The following ADAM10 variants were observed in gnomAD, a reference collection of about 807,000 sequenced individuals.
The protein encoded by ADAM10 is disintegrin and metalloproteinase domain-containing protein 10.
In ADAM10, 17 loss-of-function variants were observed where a neutral mutation model predicts 90.1. That is an observed-to-expected ratio of 0.19 (90% CI 0.13 to 0.28). ADAM10 has a LOEUF of 0.28. ADAM10 is among the 10% of genes least tolerant of loss of function. The pLI is 1.00. For synonymous variants in ADAM10, 310 were observed against 298.6 expected (o/e 1.04, Z -0.40); for missense variants, 610 against 914.3 (o/e 0.67, Z 4.29).
chr15:58,650,515 C>A (rs1896657646), intron 5 of ADAM10, among the ~76,000 whole-genome samples: 1 of 152,132 alleles, frequency 6.6e-6, no homozygotes, highest in South Asian at 2.1e-4. Flanking sequence ...CTCTTCTGGG[C>A]AGATCCTAAA....
At chr15:58,719,690 C>G (rs1463461321) in intron 1 of ADAM10, among the ~76,000 whole-genome samples, 1 of 152,078 alleles carries the variant, frequency 6.6e-6, no homozygotes, top group African/African-American at 2.4e-5. Flanking sequence ...GTGGTTAAGA[C>G]AGTACATTTT....
intron 3 of ADAM10, 123 bp downstream of exon 3, chr15:58,682,073 T>C: frequency 2.2e-6 from 3 of 1,361,902 alleles, no homozygotes; most frequent in Non-Finnish European, 3.0e-6. Context: ...TTACCCTTCA[T>C]ATGAATTCAA....
intron 14 of ADAM10, among the ~76,000 whole-genome samples, chr15:58,607,551 G>C (rs1446019974): frequency 6.6e-6 from 1 of 152,146 alleles, no homozygotes; most frequent in African/African-American, 2.4e-5. Flanking sequence ...AAGCATTTGG[G>C]AAACAGTGCT....
At chr15:58,681,066 C>G (rs1463781294) in intron 3 of ADAM10, among the ~76,000 whole-genome samples, 1 of 152,180 alleles carries the variant, frequency 6.6e-6, no homozygotes, top group Non-Finnish European at 1.5e-5. Context: ...CTGCCTCAGC[C>G]TCCCAAAGCA....
At chr15:58,619,891 A>C (rs1342841391) in intron 11 of ADAM10, among the ~76,000 whole-genome samples, 1 of 151,448 alleles carries the variant, frequency 6.6e-6, no homozygotes, top group African/African-American at 2.4e-5. Context: ...GCGACAGTGC[A>C]AGACTCCATC....
At chr15:58,645,651 T>C (rs1190534250) in intron 6 of ADAM10, among the ~76,000 whole-genome samples, 1 of 152,138 alleles carries the variant, frequency 6.6e-6, no homozygotes, top group Non-Finnish European at 1.5e-5. Flanking sequence ...ATTTATACTT[T>C]AATGAGGGTT....
In ADAM10 at chr15:58,692,420, T is replaced by C. The variant is rs567560652; in HGVS notation, c.207-10106A>G. 2.2e-4 allele frequency: 123 copies of C among 560,308 alleles called. 3 individuals are homozygous for C. The highest frequency in any genetic ancestry group is 1.7e-3 in the South Asian group (121 of 71,256). The allele number at this position is 560,308 out of a possible 1,614,324, so 34.7% of individuals were successfully genotyped here. On this transcript the variant is annotated intron_variant, in intron 2 of 15. Transcript: ENST00000260408. Reference sequence around the variant, plus strand: ...TTCTTTGTTTTCTTCTTATTATTCTTATCAGTGTCATCCTCCTCATCGGAA... The same window carrying C: ...TTCTTTGTTTTCTTCTTATTATTCTCATCAGTGTCATCCTCCTCATCGGAA...
At chr15:58,637,296 A>C (rs1267590911) in intron 8 of ADAM10, among the ~76,000 whole-genome samples, 7 of 152,246 alleles carry the variant, frequency 4.6e-5, no homozygotes, top group Admixed American at 6.5e-5. Context: ...TGTAGAGATG[A>C]ATTCCAAAGC....
At chr15:58,677,600 T>A (rs922661638) in intron 4 of ADAM10, among the ~76,000 whole-genome samples, 1 of 151,926 alleles carries the variant, frequency 6.6e-6, no homozygotes, top group Non-Finnish European at 1.5e-5. Flanking sequence ...AGAGGCACAA[T>A]AACAGAAGTC....
At chr15:58,720,436 T>C (rs1567011565) in intron 1 of ADAM10, among the ~76,000 whole-genome samples, 1 of 151,506 alleles carries the variant, frequency 6.6e-6, no homozygotes, top group Non-Finnish European at 1.5e-5. Flanking sequence ...AGTCTCGCTC[T>C]GTCACCCAGA....
At chr15:58,641,612 T>C (rs1596019871) in intron 7 of ADAM10, among the ~76,000 whole-genome samples, 2 of 152,224 alleles carry the variant, frequency 1.3e-5, no homozygotes, top group East Asian at 3.8e-4. Flanking sequence ...ACTTAGCTAC[T>C]ATACTCCTAC....
intron 11 of ADAM10, among the ~76,000 whole-genome samples, chr15:58,617,666 A>C (rs189175616): frequency 6.6e-6 from 1 of 152,290 alleles, no homozygotes; most frequent in East Asian, 1.9e-4. Flanking sequence ...GACAACCCTT[A>C]AAGCTCCACT....
intron 1 of ADAM10, among the ~76,000 whole-genome samples, chr15:58,727,185 T>C (rs1248945058): frequency 1.7e-5 from 2 of 119,260 alleles, no homozygotes; most frequent in African/African-American, 7.1e-5. Context: ...TCTTTTTTTT[T>C]TTTTTTTTTT....
intron 7 of ADAM10, among the ~76,000 whole-genome samples, chr15:58,643,050 C>G (rs979408049): frequency 7.9e-5 from 12 of 151,898 alleles, no homozygotes; most frequent in Non-Finnish European, 1.6e-4. Context: ...GTGGCAAATA[C>G]TTTTGTGAAA....
intron 3 of ADAM10, among the ~76,000 whole-genome samples, chr15:58,681,814 G>A (rs1897450798): frequency 6.6e-6 from 1 of 152,044 alleles, no homozygotes; most frequent in Admixed American, 6.6e-5. Flanking sequence ...CATTATTTTT[G>A]GCTAAGATCA....
rs572239958 is a variant in ADAM10, at chr15:58,666,828, A to G, written c.485-1631T>C. Reference sequence around the variant, plus strand: ...AACTTAGGGTAAAAAAAATTTCCAAATATTTCCAAAGCAACAAAACAGTAT... The same window carrying G: ...AACTTAGGGTAAAAAAAATTTCCAAGTATTTCCAAAGCAACAAAACAGTAT... On this transcript the variant is annotated intron_variant, in intron 4 of 15. Coordinates refer to ENST00000260408, the MANE Select transcript of ADAM10 (RefSeq NM_001110.4). Among the ~76,000 whole-genome samples, 14 of 152,290 alleles carry G rather than the reference A, an allele frequency of 9.2e-5. No homozygotes were observed. In the South Asian group the frequency reaches 2.5e-3, roughly 27 times the overall value.
chr15:58,682,509 A>G (rs1466545326), intron 2 of ADAM10, among the ~76,000 whole-genome samples, 195 bp from the exon 3 acceptor site: 1 of 152,190 alleles, frequency 6.6e-6, no homozygotes, highest in East Asian at 1.9e-4. Flanking sequence ...AGGACTCTAA[A>G]TGAGATAAAA....
Position 58,687,261 on chromosome 15 carries a change from C to G in ADAM10, c.207-4947G>C, listed in dbSNP as rs564522715. ...AGTTAATGTTATGATGTGCATTAGG[C>G]TGCCCCATCGTGTATATAAATGAAG... On this transcript the variant is annotated intron_variant, in intron 2 of 15. Coordinates refer to ENST00000260408, the MANE Select transcript of ADAM10 (RefSeq NM_001110.4). Among the ~76,000 whole-genome samples, 24 of 152,312 alleles carry G rather than the reference C, an allele frequency of 1.6e-4. No individual in the cohort carries two copies. The East Asian group carries it at 2.9e-3, about 18-fold the overall frequency.
At chr15:58,622,711 A>T (rs1895822754) in intron 10 of ADAM10, among the ~76,000 whole-genome samples, 1 of 152,032 alleles carries the variant, frequency 6.6e-6, no homozygotes, top group Admixed American at 6.6e-5. Context: ...AGCATAGTGA[A>T]TAATTTTAGA....
Sources: allele counts gnomAD v4.1 joint callset (sites outside exome capture counted in the v4.1 genomes callset), GRCh38; gene constraint gnomAD v4.1.1; transcripts MANE v1.5; gene names NCBI Gene and HGNC (gene_info 2026-07-23, HGNC 2026-07-21).